The following ADAMTS20 variants were observed in gnomAD, a reference collection of about 807,000 sequenced individuals.
The protein encoded by ADAMTS20 is ADAM metallopeptidase with thrombospondin type 1 motif 20, also known as A disintegrin and metalloproteinase with thrombospondin motifs 20.
Under a neutral mutation model 260.1 loss-of-function variants are expected in ADAMTS20, and 225 were observed. The ratio of observed to expected loss-of-function variants is 0.87; its 90% confidence interval spans 0.78 to 0.97. The LOEUF (loss-of-function observed/expected upper bound fraction) is 0.97. Among genes scored for constraint, ADAMTS20 ranks in the 50% least tolerant of loss-of-function variants. The probability of loss-of-function intolerance (pLI) is 0.00; values close to 1 mark genes in which losing one functional copy is unlikely to be tolerated. For synonymous variants in ADAMTS20, 802 were observed against 769.5 expected (o/e 1.04, Z -0.70); for missense variants, 2,400 against 2,337.7 (o/e 1.03, Z -0.55).
chr12:43,551,323 A>G lies in ADAMTS20; in HGVS notation c.92-53T>C, dbSNP rs1249693078. 1 of 1,562,392 alleles carries G rather than the reference A, an allele frequency of 6.4e-7. No homozygotes were observed. Among genetic ancestry groups the G allele is most frequent in the South Asian group, 1.2e-5 (1 of 82,906 alleles). On this transcript the variant is annotated intron_variant, in intron 1 of 38. Coordinates refer to ENST00000389420, the MANE Select transcript of ADAMTS20 (RefSeq NM_025003.5). The surrounding 1 kb of genome is among the most constrained non-coding windows in gnomAD (Gnocchi z 4.6). ...GCTCCCACGCGTTCCTCATTGTCCA[A>G]CTCTAAACTTCTTCCACCAAACGTC...
intron 31 of ADAMTS20, among the ~76,000 whole-genome samples, chr12:43,379,286 G>A (rs1377757429): frequency 2.0e-5 from 3 of 152,140 alleles, no homozygotes; most frequent in Admixed American, 6.6e-5. Flanking sequence ...AACAGTTGGA[G>A]CAACAACAGG....
chr12:43,376,122 C>T lies in ADAMTS20; in HGVS notation c.5247G>A (p.Glu1749=). The T allele has an allele frequency of 6.2e-7, 1 of 1,609,474 alleles. No homozygotes were observed. Among genetic ancestry groups the T allele is most frequent in the Non-Finnish European group, 8.5e-7 (1 of 1,177,970 alleles). The stretch of plus-strand genomic sequence containing the variant: ...CCAGTGTTAAATATTCCTTAGGGTT[C>T]TCCAAGTACATGTCTGCACAATAAA... ...IKIYCADMYL[E]NPKEYLTLVQ... Residue 1749 remains glutamate (E), a synonymous_variant, in exon 35 of 39, where the codon GAG becomes GAA. Coordinates refer to ENST00000389420, the MANE Select transcript of ADAMTS20 (RefSeq NM_025003.5).
At chr12:43,354,357 A>C (rs999012851) in intron 38 of ADAMTS20, 59 bp from the exon 39 acceptor site, 1 of 1,281,766 alleles carries the variant, frequency 7.8e-7, no homozygotes, top group African/African-American at 1.5e-5. Flanking sequence ...CTGTATGCAA[A>C]TAGCAGAAAA....
intron 38 of ADAMTS20, 23 bp from the exon 39 acceptor site, chr12:43,354,321 C>T (rs1437402180): frequency 6.5e-7 from 1 of 1,528,062 alleles, no homozygotes; most frequent in Non-Finnish European, 8.9e-7. Flanking sequence ...AGAAGAAATA[C>T]AGAAGAATCT....
At chr12:43,456,330 C>T (rs1211313414) in intron 11 of ADAMTS20, among the ~76,000 whole-genome samples, 1 of 152,144 alleles carries the variant, frequency 6.6e-6, no homozygotes, top group African/African-American at 2.4e-5. Context: ...CATACAAACA[C>T]AGCTGTTATT....
chr12:43,499,719 G>T (rs533258853), intron 4 of ADAMTS20, among the ~76,000 whole-genome samples: 1 of 152,044 alleles, frequency 6.6e-6, no homozygotes, highest in South Asian at 2.1e-4. Flanking sequence ...TGGCCAGGAT[G>T]GTCTCTATCT....
intron 29 of ADAMTS20, among the ~76,000 whole-genome samples, chr12:43,395,677 C>CTTTTTTTTT (rs5797860): frequency 1.1e-5 from 1 of 90,828 alleles, no homozygotes; most frequent in East Asian, 4.1e-4. Flanking sequence ...GTGTGAGATT[C>CTTTTTTTTT]TTTTTTTTTT....
intron 37 of ADAMTS20, among the ~76,000 whole-genome samples, chr12:43,358,831 C>T (rs1303507368): frequency 1.0e-4 from 12 of 119,046 alleles, no homozygotes; most frequent in African/African-American, 1.8e-4. Flanking sequence ...AGCGAAACTC[C>T]GTCTCAAAAA....
intron 3 of ADAMTS20, among the ~76,000 whole-genome samples, chr12:43,514,555 T>C: frequency 1.1e-5 from 1 of 91,746 alleles, no homozygotes; most frequent in Non-Finnish European, 1.9e-5. Flanking sequence ...AGTGAGACTC[T>C]ATCTCAAAAA....
chr12:43,356,417 G>T, intron 38 of ADAMTS20, 67 bp downstream of exon 38: 1 of 1,008,894 alleles, frequency 9.9e-7, no homozygotes, highest in South Asian at 1.6e-5. Context: ...TTTAGGTAGA[G>T]AACCTTTAAT....
intron 3 of ADAMTS20, among the ~76,000 whole-genome samples, chr12:43,528,139 G>T (rs796491493): frequency 6.6e-6 from 1 of 151,614 alleles, no homozygotes; most frequent in African/African-American, 2.4e-5. Context: ...AACCAAGGAG[G>T]TGAAAGATCT....
rs1940765511 is a variant in ADAMTS20, at chr12:43,399,345, T to C, written c.4285-112A>G. On this transcript the variant is annotated intron_variant, in intron 28 of 38. Transcript: ENST00000389420. ...ACACATAATTCCTTTGATATTTTTA[T>C]GAAGATATGCTCTAGTATTTCTAAT... 3.2e-6 allele frequency: 3 copies of C among 951,862 alleles called. No homozygotes were observed. In the East Asian group the frequency reaches 9.3e-5, roughly 29 times the overall value. 59.0% of individuals were successfully genotyped at this position (951,862 alleles called of 1,614,324 possible).
chr12:43,430,536 C>T, intron 22 of ADAMTS20, 65 bp from the exon 23 acceptor site: 1 of 1,417,102 alleles, frequency 7.1e-7, no homozygotes, highest in Admixed American at 2.0e-5. Flanking sequence ...CTTCTATTTT[C>T]TTAATGAATA....
At chr12:43,434,981 G>A (rs929586855) in intron 18 of ADAMTS20, among the ~76,000 whole-genome samples, 8 of 152,084 alleles carry the variant, frequency 5.3e-5, no homozygotes, top group African/African-American at 1.9e-4. Flanking sequence ...GGCATAGACA[G>A]GCAATAAAAA....
At chr12:43,448,167 G>T (rs1467854984) in intron 14 of ADAMTS20, among the ~76,000 whole-genome samples, 2 of 150,292 alleles carry the variant, frequency 1.3e-5, no homozygotes, top group Admixed American at 1.3e-4. Flanking sequence ...ACCAAAAAAA[G>T]AGCCTGAATA....
chr12:43,378,616 C>T (rs1447636696), intron 31 of ADAMTS20, among the ~76,000 whole-genome samples: 1 of 152,150 alleles, frequency 6.6e-6, no homozygotes, highest in African/African-American at 2.4e-5. Flanking sequence ...CATAACAAAA[C>T]TCAAAATACA....
At chr12:43,547,476 C>G (rs1428825749) in intron 2 of ADAMTS20, among the ~76,000 whole-genome samples, 2 of 152,118 alleles carry the variant, frequency 1.3e-5, no homozygotes, top group Non-Finnish European at 2.9e-5. Context: ...AAGGGACTGC[C>G]CAAAGAGGTG....
chr12:43,484,598 C>G, intron 7 of ADAMTS20, among the ~76,000 whole-genome samples: 1 of 151,958 alleles, frequency 6.6e-6, no homozygotes, highest in East Asian at 1.9e-4. Flanking sequence ...AATTTCAGAG[C>G]TCAAAGACAA....
At chr12:43,399,022 A>G in intron 29 of ADAMTS20, 44 bp downstream of exon 29, 3 of 1,193,946 alleles carry the variant, frequency 2.5e-6, no homozygotes, top group Non-Finnish European at 3.2e-6. Flanking sequence ...TTCTTTTTAA[A>G]TACAAAAAAA....
Sources: allele counts gnomAD v4.1 joint callset (sites outside exome capture counted in the v4.1 genomes callset), GRCh38; gene constraint gnomAD v4.1.1; non-coding constraint Gnocchi (gnomAD v3.1); transcripts MANE v1.5; gene names NCBI Gene and HGNC (gene_info 2026-07-23, HGNC 2026-07-21).